Variants in MGAT4D observed in about 807,000 individuals in gnomAD.
MGAT4D encodes the protein alpha-1,3-mannosyl-glycoprotein 4-beta-N-acetylglucosaminyltransferase-like protein MGAT4D.
MGAT4D carries 34 observed loss-of-function variants against 15.9 expected under a neutral mutation model. The observed-to-expected ratio is 2.14, with a 90% CI of 1.62 to 2.84. MGAT4D has a LOEUF of 2.84. MGAT4D is among the 30% of genes most tolerant of loss of function. The pLI is 0.00. For missense variants in MGAT4D, 327 were observed against 140.2 expected (o/e 2.33, Z -6.73); for synonymous variants, 112 against 48.2 (o/e 2.33, Z -5.49).
chr4:140,494,392 G>A (rs1245189444), intron 1 of MGAT4D, among the ~76,000 whole-genome samples: 1 of 152,110 alleles, frequency 6.6e-6, no homozygotes, highest in Non-Finnish European at 1.5e-5. Context: ...TATCTTCTTG[G>A]TTTAGCTCTT....
chr4:140,488,067 C>A (rs1733259645), intron 1 of MGAT4D, among the ~76,000 whole-genome samples: 1 of 152,214 alleles, frequency 6.6e-6, no homozygotes, highest in African/African-American at 2.4e-5. Flanking sequence ...TACCATAGCT[C>A]AAGCTTTATT....
intron 5 of MGAT4D, among the ~76,000 whole-genome samples, chr4:140,470,380 G>A (rs577351056): frequency 6.6e-6 from 1 of 152,206 alleles, no homozygotes; most frequent in African/African-American, 2.4e-5. Context: ...ACAACTAACT[G>A]CCTCAGCCAC....
chr4:140,471,395 T>G (rs1731950568), intron 5 of MGAT4D, among the ~76,000 whole-genome samples: 1 of 152,218 alleles, frequency 6.6e-6, no homozygotes, highest in East Asian at 1.9e-4. Flanking sequence ...AGCTTCATAT[T>G]GGTTAATCCG....
At chr4:140,480,894 C>T (rs1732673084) in intron 2 of MGAT4D, among the ~76,000 whole-genome samples, 1 of 151,990 alleles carries the variant, frequency 6.6e-6, no homozygotes, top group Non-Finnish European at 1.5e-5. Context: ...CATGATTGTG[C>T]CATTGCATTC....
At chr4:140,476,703 A>G (rs1467400973) in intron 3 of MGAT4D, among the ~76,000 whole-genome samples, 2 of 152,160 alleles carry the variant, frequency 1.3e-5, no homozygotes, top group African/African-American at 2.4e-5. Flanking sequence ...AAGCCTTTGC[A>G]CACGCCATTC....
At chr4:140,491,555 A>C (rs957059291) in intron 1 of MGAT4D, among the ~76,000 whole-genome samples, 3 of 152,038 alleles carry the variant, frequency 2.0e-5, no homozygotes, top group Non-Finnish European at 4.4e-5. Flanking sequence ...AGCTTGAAGC[A>C]CCAAAGACAT....
At chr4:140,474,995 C>T (rs1429545611) in intron 3 of MGAT4D, 49 bp from the exon 4 acceptor site, 1 of 520,306 alleles carries the variant, frequency 1.9e-6, no homozygotes, top group African/African-American at 2.0e-5. Flanking sequence ...CAGAGAAAAA[C>T]ATAGTTTACC....
intron 1 of MGAT4D, among the ~76,000 whole-genome samples, chr4:140,497,041 A>G (rs776743925): frequency 1.3e-5 from 2 of 152,184 alleles, no homozygotes; most frequent in Non-Finnish European, 2.9e-5. Context: ...ATTAATATGC[A>G]TTCCTAATCT....
intron 1 of MGAT4D, among the ~76,000 whole-genome samples, chr4:140,486,456 C>T (rs1265666896): frequency 6.6e-6 from 1 of 152,082 alleles, no homozygotes; most frequent in Non-Finnish European, 1.5e-5. Flanking sequence ...CTGTCATCTA[C>T]ATTAGGTATT....
chr4:140,466,555 A>G (rs185279872), intron 5 of MGAT4D, among the ~76,000 whole-genome samples: 1 of 152,178 alleles, frequency 6.6e-6, no homozygotes, highest in African/African-American at 2.4e-5. Flanking sequence ...AAAGAAATCA[A>G]ATCATTAATA....
intron 1 of MGAT4D, among the ~76,000 whole-genome samples, chr4:140,488,205 A>G (rs1185369593): frequency 6.6e-6 from 1 of 152,214 alleles, no homozygotes; most frequent in Non-Finnish European, 1.5e-5. Flanking sequence ...CTGGTCTACC[A>G]GGTCCTATAC....
chr4:140,465,244 G>A (rs1731456688), intron 5 of MGAT4D, among the ~76,000 whole-genome samples: 1 of 152,058 alleles, frequency 6.6e-6, no homozygotes, highest in African/African-American at 2.4e-5. Context: ...AAAATTACAG[G>A]TACTTTGACA....
Position 140,471,804 on chromosome 4 carries a change from T to C in MGAT4D, c.543A>G (p.Leu181=), listed in dbSNP as rs2126781586. The C allele has an allele frequency of 2.0e-6, 1 of 497,280 alleles. No individual in the cohort carries two copies. The highest frequency in any genetic ancestry group is 3.5e-5 in the East Asian group (1 of 28,692). The allele number at this position is 497,280 out of a possible 1,614,324, so 30.8% of individuals were successfully genotyped here. A position where few individuals can be genotyped will look rare whatever the true frequency, so the allele number is the denominator to read the frequency against. The change falls in exon 5 of 11, where the codon TTA becomes TTG. Residue 181 remains leucine (L), a synonymous_variant. Coordinates refer to ENST00000511113, the MANE Select transcript of MGAT4D (RefSeq NM_001277353.2). ...VLVADSNEDY[L]HSVVKMITKK... ...TTGTAATCATTTTAACAACAGAATG[T>C]AAATAATCTTCATTACTCTAAAAAT...
chr4:140,451,689 G>A (rs1319135805), intron 9 of MGAT4D, among the ~76,000 whole-genome samples, 172 bp from the exon 10 acceptor site: 6 of 152,062 alleles, frequency 3.9e-5, no homozygotes, highest in Admixed American at 2.6e-4. Flanking sequence ...ATAGAGCAAA[G>A]GAGTTGGGGT....
chr4:140,478,972 G>C (rs747877654), intron 3 of MGAT4D, among the ~76,000 whole-genome samples: 2 of 152,096 alleles, frequency 1.3e-5, no homozygotes, highest in African/African-American at 2.4e-5. Flanking sequence ...TCACTCACTG[G>C]AATGAGTGAG....
chr4:140,477,703 T>G (rs758652123), intron 3 of MGAT4D, among the ~76,000 whole-genome samples: 1 of 152,232 alleles, frequency 6.6e-6, no homozygotes, highest in Non-Finnish European at 1.5e-5. Flanking sequence ...GCATATACCC[T>G]GCCAAGGGGC....
At chr4:140,492,823 A>ACTGAATAACC (rs1430839011) in intron 1 of MGAT4D, among the ~76,000 whole-genome samples, 9 of 152,144 alleles carry the variant, frequency 5.9e-5, no homozygotes, top group African/African-American at 1.7e-4. Flanking sequence ...CAGGAATGAG[A>ACTGAATAACC]CTGAATAACC....
intron 2 of MGAT4D, among the ~76,000 whole-genome samples, chr4:140,481,277 T>C (rs1732711031): frequency 6.6e-6 from 1 of 152,118 alleles, no homozygotes; most frequent in Non-Finnish European, 1.5e-5. Context: ...GCCCTCTAGC[T>C]TGGGCAACAG....
At chr4:140,481,626 T>G (rs1395110853) in intron 2 of MGAT4D, among the ~76,000 whole-genome samples, 3 of 152,218 alleles carry the variant, frequency 2.0e-5, no homozygotes, top group Non-Finnish European at 4.4e-5. Flanking sequence ...GAAATGCTAC[T>G]CAGCACTATA....
Sources: allele counts gnomAD v4.1 joint callset (sites outside exome capture counted in the v4.1 genomes callset), GRCh38; gene constraint gnomAD v4.1.1; transcripts MANE v1.5; gene names NCBI Gene and HGNC (gene_info 2026-07-23, HGNC 2026-07-21).